PLEKHA6: variants seen among roughly 807,000 people sequenced by gnomAD.
PLEKHA6 encodes the protein pleckstrin homology domain-containing family A member 6.
Under a neutral mutation model 116.7 loss-of-function variants are expected in PLEKHA6, and 60 were observed. The observed-to-expected ratio is 0.51, with a 90% CI of 0.42 to 0.64. The LOEUF (loss-of-function observed/expected upper bound fraction) is 0.64. PLEKHA6 is among the 30% of genes least tolerant of loss of function. PLEKHA6 has a pLI of 0.00. For missense variants in PLEKHA6, 1,338 were observed against 1,422.7 expected, an observed-to-expected ratio of 0.94 and a Z score of 0.96; for synonymous variants, 489 against 556.1, an observed-to-expected ratio of 0.88 and a Z score of 1.70.
intron 15 of PLEKHA6, among the ~76,000 whole-genome samples, chr1:204,242,141 G>T (rs74138403): frequency 6.6e-6 from 1 of 152,108 alleles, no homozygotes; most frequent in Non-Finnish European, 1.5e-5. Context: ...GCCGGTGGGG[G>T]GTCTCTGAGG....
intron 1 of PLEKHA6, among the ~76,000 whole-genome samples, chr1:204,325,064 A>C (rs1207708451): frequency 6.6e-6 from 1 of 152,076 alleles, no homozygotes; most frequent in Non-Finnish European, 1.5e-5. Flanking sequence ...ATTTGATCAG[A>C]GCTTTCAGCA....
At chr1:204,288,751 A>T (rs1669452451) in intron 1 of PLEKHA6, among the ~76,000 whole-genome samples, 1 of 151,968 alleles carries the variant, frequency 6.6e-6, no homozygotes. Flanking sequence ...TTTTATTTTT[A>T]TTTTTTTACC....
chr1:204,261,211 G>A lies in PLEKHA6; in HGVS notation c.524+95C>T, dbSNP rs748869368. The A allele has an allele frequency of 2.1e-6, 3 of 1,428,732 alleles. No homozygotes were observed. The highest frequency in any genetic ancestry group is 1.7e-5 in the Admixed American group (1 of 59,314). The allele number at this position is 1,428,732 out of a possible 1,614,324, so 88.5% of individuals were successfully genotyped here. On this transcript the variant is annotated intron_variant, in intron 7 of 22. Transcript: ENST00000272203. This position sits in a 1 kb window ranked among gnomAD's most constrained non-coding sequence, Gnocchi z 4.0. ...ACACATTCTCCAGGGCTTCAAGTAG[G>A]CACACTGGGATTAGCAATGGCCCAG...
In PLEKHA6 at chr1:204,250,629, G is replaced by A. The variant is rs1235325320; in HGVS notation, c.1525-15C>T. 2.5e-6 allele frequency: 4 copies of A among 1,594,460 alleles called. No individual in the cohort carries two copies. Among genetic ancestry groups the A allele is most frequent in the Non-Finnish European group, 3.4e-6 (4 of 1,162,802 alleles). On this transcript the variant is annotated splice_polypyrimidine_tract_variant and intron_variant, in intron 9 of 22. Coordinates refer to ENST00000272203, the MANE Select transcript of PLEKHA6 (RefSeq NM_014935.5). ...TATGGAGGGACCTGCAGGAACATGA[G>A]GCCGGTTACTGCAGCAGGGGCAGGA... is the stretch of plus-strand genomic sequence containing the variant.
At chr1:204,240,607 G>T (rs1662673241) in intron 17 of PLEKHA6, among the ~76,000 whole-genome samples, 1 of 152,184 alleles carries the variant, frequency 6.6e-6, no homozygotes, top group African/African-American at 2.4e-5. Flanking sequence ...TTGGGTTGGG[G>T]ATTGGTGCAT....
chr1:204,269,447 TA>T (rs33978260), intron 3 of PLEKHA6, among the ~76,000 whole-genome samples: 27 of 140,468 alleles, frequency 1.9e-4, no homozygotes, highest in South Asian at 2.3e-4. Context: ...TGCTGGAGAA[TA>T]AAAAAAAAAA....
At position 204,238,836 on chromosome 1, in the gene PLEKHA6, A is replaced by G. The variant is rs4951050; in HGVS notation, c.2409+2539T>C. 0.52 allele frequency among the ~76,000 whole-genome samples: 78,532 copies of G among 152,098 alleles called. 20,909 individuals are homozygous for G. Among genetic ancestry groups the G allele is most frequent in the African/African-American group, 0.66 (27,289 of 41,486 alleles). On this transcript the variant is annotated intron_variant, in intron 17 of 22. Transcript: ENST00000272203. This position sits in a 1 kb window ranked among gnomAD's most constrained non-coding sequence, Gnocchi z 4.2. Reference sequence around the variant, plus strand: ...GCCCCTTTCTAGGACATCCCTGAAGAATAGCAGTGAAGGGAAATCTTCCCA... The same window carrying G: ...GCCCCTTTCTAGGACATCCCTGAAGGATAGCAGTGAAGGGAAATCTTCCCA...
chr1:204,267,601 G>A, intron 4 of PLEKHA6, 54 bp from the exon 5 acceptor site: 1 of 1,466,386 alleles, frequency 6.8e-7, no homozygotes, highest in South Asian at 1.1e-5. Flanking sequence ...CGTGGACGAG[G>A]AGATGGGATG....
rs201981920 is a variant in PLEKHA6 at position 204,261,471 on chromosome 1, G to A, written c.382-23C>T. The A allele has an allele frequency of 3.1e-6, 5 of 1,590,862 alleles. No individual in the cohort carries two copies. Among genetic ancestry groups the A allele is most frequent in the East Asian group, 2.2e-5 (1 of 44,580 alleles). On this transcript the variant is annotated intron_variant, in intron 6 of 22. Coordinates refer to ENST00000272203, the MANE Select transcript of PLEKHA6 (RefSeq NM_014935.5). This position sits in a 1 kb window ranked among gnomAD's most constrained non-coding sequence, Gnocchi z 4.0. ...AGCCTGTGGGGAGAGGCAGCGTGTG[G>A]AGCTGGCCTCGGCCTCATCCACCCA...
In PLEKHA6 at chr1:204,298,438, G is replaced by A. The variant is rs556927625; in HGVS notation, c.-94-23629C>T. 2.2e-4 allele frequency among the ~76,000 whole-genome samples: 33 copies of A among 152,258 alleles called. No individual in the cohort carries two copies. The South Asian group carries it at 5.2e-3, about 24-fold the overall frequency. On this transcript the variant is annotated intron_variant, in intron 1 of 22. Transcript: ENST00000272203. ...GTAGAGTGGTACCTGAGGAGGGGTCGGGGACTGAATGGCCTTCAAGGTCCA... is the reference window on the plus strand; with the variant it reads ...GTAGAGTGGTACCTGAGGAGGGGTCAGGGACTGAATGGCCTTCAAGGTCCA...
At chr1:204,271,833 C>T (rs1250374202) in intron 3 of PLEKHA6, among the ~76,000 whole-genome samples, 1 of 152,224 alleles carries the variant, frequency 6.6e-6, no homozygotes. Context: ...AATTATAGGG[C>T]AACATTTCAT....
chr1:204,345,702 A>G (rs1673016624), intron 1 of PLEKHA6, among the ~76,000 whole-genome samples: 1 of 152,152 alleles, frequency 6.6e-6, no homozygotes, highest in Admixed American at 6.5e-5. Context: ...AGCAGGGCCA[A>G]CAATGACTCC....
chr1:204,237,085 A>C (rs1662164672), intron 17 of PLEKHA6, among the ~76,000 whole-genome samples: 1 of 152,208 alleles, frequency 6.6e-6, no homozygotes, highest in Admixed American at 6.5e-5. Flanking sequence ...TGTTGATTCC[A>C]GGGGACCCAA....
In PLEKHA6 at chr1:204,263,745, G is replaced by T. The variant is rs4951055; in HGVS notation, c.381+1197C>A. Among the ~76,000 whole-genome samples, 1,118 of 151,190 alleles carry T rather than the reference G, an allele frequency of 7.4e-3. 45 individuals carry two copies. The highest frequency in any genetic ancestry group is 0.068 in the Admixed American group (1,038 of 15,162). ...GACAGGCTGTTTGATTGTGTGTGTG[G>T]GTGTGTGTGTGTGTGTCTGTGTATA... On this transcript the variant is annotated intron_variant, in intron 6 of 22. Transcript: ENST00000272203.
chr1:204,311,399 G>A (rs1334940224), intron 1 of PLEKHA6: 1 of 153,704 alleles, frequency 6.5e-6, no homozygotes, highest in Non-Finnish European at 1.4e-5. Context: ...GCTGAGGCAG[G>A]AGAATCACTT....
At chr1:204,354,757 A>G (rs1331869616) in intron 1 of PLEKHA6, among the ~76,000 whole-genome samples, 1 of 152,234 alleles carries the variant, frequency 6.6e-6, no homozygotes, top group African/African-American at 2.4e-5. Flanking sequence ...GATCATAATT[A>G]GTTTATCAGA....
At chr1:204,285,459 G>GTT (rs11365108) in intron 1 of PLEKHA6, among the ~76,000 whole-genome samples, 1 of 150,200 alleles carries the variant, frequency 6.7e-6, no homozygotes, top group East Asian at 2.0e-4. Context: ...GTTGTTGTTG[G>GTT]TTTTTTTTTG....
At chr1:204,320,466 A>G (rs1306860039) in intron 1 of PLEKHA6, 2 of 981,608 alleles carry the variant, frequency 2.0e-6, no homozygotes, top group African/African-American at 3.5e-5. Context: ...AGTGGCTTCT[A>G]TAGGAAGGGG....
chr1:204,220,131 T>A lies in PLEKHA6; in HGVS notation c.*2657A>T, dbSNP rs1471272509. ...CTTCGCACCGTCTCGTACACTGACA[T>A]CCTTAGTGCTGTTTGGCATAGGCTG... is the stretch of plus-strand genomic sequence containing the variant. On this transcript the variant is annotated 3_prime_UTR_variant, in exon 23 of 23. Coordinates refer to ENST00000272203, the MANE Select transcript of PLEKHA6 (RefSeq NM_014935.5). 2 of 152,220 alleles carry A rather than the reference T, an allele frequency of 1.3e-5. No homozygotes were observed. The highest frequency in any genetic ancestry group is 2.4e-5 in the African/African-American group (1 of 41,450). 9.4% of individuals were successfully genotyped at this position (152,220 alleles called of 1,614,324 possible).
Sources: gnomAD v4.1 joint callset for allele counts (sites outside exome capture counted in the v4.1 genomes callset) on GRCh38, gnomAD v4.1.1 for gene constraint, Gnocchi (gnomAD v3.1) non-coding constraint, MANE v1.5 for transcripts, NCBI Gene and HGNC (gene_info 2026-07-23, HGNC 2026-07-21) for gene names.